Variants in MAP2 observed in about 807,000 individuals in gnomAD.
MAP2 encodes microtubule-associated protein 2.
Under a neutral mutation model 137.6 loss-of-function variants are expected in MAP2, and 14 were observed. The ratio of observed to expected loss-of-function variants is 0.10; its 90% CI spans 0.07 to 0.16. The LOEUF is 0.16. Among genes scored for constraint, MAP2 ranks in the 10% least tolerant of loss-of-function variants. The pLI is 1.00. For synonymous variants in MAP2, 786 were observed against 782.3 expected (o/e 1.00, Z -0.08); for missense variants, 2,088 against 2,191.5 (o/e 0.95, Z 0.94).
At chr2:209,706,073 A>T (rs1308103162) in intron 12 of MAP2, among the ~76,000 whole-genome samples, 1 of 152,202 alleles carries the variant, frequency 6.6e-6, no homozygotes, top group Non-Finnish European at 1.5e-5. Flanking sequence ...AAAAACATAC[A>T]TCTATAAAAG....
intron 3 of MAP2, among the ~76,000 whole-genome samples, chr2:209,593,864 ATTTAT>A: frequency 1.8e-5 from 2 of 112,620 alleles, no homozygotes; most frequent in African/African-American, 6.8e-5. Flanking sequence ...TAAAATATAT[ATTTAT>A]ATTATAAAAA....
At chr2:209,685,375 C>G (rs1254254448) in intron 7 of MAP2, among the ~76,000 whole-genome samples, 1 of 152,072 alleles carries the variant, frequency 6.6e-6, no homozygotes, top group Non-Finnish European at 1.5e-5. Flanking sequence ...ATGCACCTGC[C>G]ATACACAACA....
intron 3 of MAP2, among the ~76,000 whole-genome samples, chr2:209,585,680 C>A (rs2077529564): frequency 1.3e-5 from 2 of 152,096 alleles, no homozygotes; most frequent in South Asian, 4.1e-4. Flanking sequence ...ATTTTAAATC[C>A]CTACTGTTTC....
chr2:209,677,407 C>T (rs202083092), intron 5 of MAP2, among the ~76,000 whole-genome samples: 65 of 91,380 alleles, frequency 7.1e-4, no homozygotes, highest in East Asian at 5.4e-3. Flanking sequence ...GATAGATAGA[C>T]AGACAGACAG....
chr2:209,483,812 C>T (rs934433632), intron 1 of MAP2, among the ~76,000 whole-genome samples: 2 of 152,128 alleles, frequency 1.3e-5, no homozygotes, highest in African/African-American at 4.8e-5. Flanking sequence ...AGAGCACACA[C>T]CATTTACTTT....
chr2:209,470,780 T>G (rs1421241977), intron 1 of MAP2, among the ~76,000 whole-genome samples: 3 of 152,070 alleles, frequency 2.0e-5, no homozygotes, highest in African/African-American at 4.8e-5. Context: ...ATACCTGGAT[T>G]CCAAAAGTAA....
intron 1 of MAP2, among the ~76,000 whole-genome samples, chr2:209,499,518 T>G (rs2060135428): frequency 6.6e-6 from 1 of 152,186 alleles, no homozygotes; most frequent in Non-Finnish European, 1.5e-5. Flanking sequence ...CCATGTATCT[T>G]TATAGCAACA....
chr2:209,670,627 A>G (rs1411582788), intron 5 of MAP2, among the ~76,000 whole-genome samples: 1 of 151,982 alleles, frequency 6.6e-6, no homozygotes, highest in South Asian at 2.1e-4. Flanking sequence ...ATTAAGGTAT[A>G]ATCTAAACAA....
At chr2:209,565,852 T>G (rs2073290990) in intron 2 of MAP2, among the ~76,000 whole-genome samples, 1 of 152,214 alleles carries the variant, frequency 6.6e-6, no homozygotes, top group African/African-American at 2.4e-5. Context: ...CTCTTGTTAT[T>G]TGCTCATCGG....
At chr2:209,644,044 CAG>C (rs1177603849) in intron 4 of MAP2, among the ~76,000 whole-genome samples, 1 of 152,158 alleles carries the variant, frequency 6.6e-6, no homozygotes, top group Admixed American at 6.5e-5. Flanking sequence ...GTCAATGTAT[CAG>C]AGTCACCCTA....
At chr2:209,617,348 T>A (rs997028558) in intron 3 of MAP2, among the ~76,000 whole-genome samples, 4 of 152,122 alleles carry the variant, frequency 2.6e-5, no homozygotes, top group African/African-American at 9.7e-5. Context: ...AGGCATCAAG[T>A]GTAGGTTGAT....
chr2:209,474,849 A>G (rs549848856), intron 1 of MAP2, among the ~76,000 whole-genome samples: 18 of 152,180 alleles, frequency 1.2e-4, no homozygotes, highest in Admixed American at 5.2e-4. Flanking sequence ...AGGCATGAGG[A>G]AAACATATAT....
intron 1 of MAP2, among the ~76,000 whole-genome samples, chr2:209,477,023 C>T (rs1290287315): frequency 1.3e-5 from 2 of 152,120 alleles, no homozygotes; most frequent in Non-Finnish European, 2.9e-5. Context: ...ATGACGAAGA[C>T]CATACTGTGA....
chr2:209,546,599 A>G (rs1420785686), intron 2 of MAP2, among the ~76,000 whole-genome samples: 1 of 152,184 alleles, frequency 6.6e-6, no homozygotes, highest in East Asian at 1.9e-4. Flanking sequence ...AAGGATATCT[A>G]TGGAAAGTAG....
At chr2:209,656,235 G>T (rs1397862496) in intron 5 of MAP2, among the ~76,000 whole-genome samples, 5 of 152,138 alleles carry the variant, frequency 3.3e-5, no homozygotes, top group Non-Finnish European at 7.3e-5. Context: ...ATTTAAATTG[G>T]CTGGGTGCAG....
chr2:209,669,472 T>C (rs1466780761), intron 5 of MAP2, among the ~76,000 whole-genome samples: 1 of 152,080 alleles, frequency 6.6e-6, no homozygotes, highest in Non-Finnish European at 1.5e-5. Context: ...ACAAATATAG[T>C]TTCTCCTAGA....
rs910615483 is a variant in MAP2, at chr2:209,514,619, A to G, written c.-172+6978A>G. 2.0e-5 allele frequency among the ~76,000 whole-genome samples: 3 copies of G among 152,116 alleles called. No homozygotes were observed. In the East Asian group the frequency reaches 5.8e-4, roughly 29 times the overall value. ...GTATTATAACCTAAATATAGGCCTT[A>G]TATCTTATTAGGGTAGTTTGGAAGA... On this transcript the variant is annotated intron_variant, in intron 2 of 15. Transcript: ENST00000682079.
chr2:209,551,529 A>G (rs142471621), intron 2 of MAP2, among the ~76,000 whole-genome samples: 177 of 152,328 alleles, frequency 1.2e-3, no homozygotes, highest in African/African-American at 4.1e-3. Context: ...GTTCTGTTTT[A>G]GAGGACATTG....
chr2:209,696,435 C>G, intron 8 of MAP2, 85 bp downstream of exon 8: 2 of 1,463,460 alleles, frequency 1.4e-6, no homozygotes, highest in Non-Finnish European at 1.8e-6. Flanking sequence ...TAAAATACCT[C>G]TTTATCTCTT....
Sources: gnomAD v4.1 joint callset for allele counts (sites outside exome capture counted in the v4.1 genomes callset) on GRCh38, gnomAD v4.1.1 for gene constraint, MANE v1.5 for transcripts, NCBI Gene and HGNC (gene_info 2026-07-23, HGNC 2026-07-21) for gene names.